TOX3: variants seen among roughly 807,000 people sequenced by gnomAD.
TOX3 encodes the protein TOX high mobility group box family member 3.
In TOX3, 22 loss-of-function variants were observed where a neutral mutation model predicts 64.3. The ratio of observed to expected loss-of-function variants is 0.34; its 90% CI spans 0.24 to 0.49. TOX3 has a LOEUF of 0.49. TOX3 is among the 20% of genes least tolerant of loss of function. TOX3 has a pLI of 0.99. For missense variants in TOX3, 661 were observed against 714.4 expected (o/e 0.93, Z 0.85); for synonymous variants, 291 against 273.6 (o/e 1.06, Z -0.63).
chr16:52,440,900 A>G (rs893213211), intron 6 of TOX3, among the ~76,000 whole-genome samples: 18 of 151,676 alleles, frequency 1.2e-4, no homozygotes, highest in Non-Finnish European at 2.1e-4. Context: ...AGCTGGCACT[A>G]CAGGTGCCCA....
Position 52,547,086 on chromosome 16 carries a change from G to A in TOX3, c.-363C>T. ...GGCTGGGACGGCGGCGGCGGCGGCGGCTGGCCCCGCTCCTCCTCCTCCTCC... is the reference window on the plus strand; with the variant it reads ...GGCTGGGACGGCGGCGGCGGCGGCGACTGGCCCCGCTCCTCCTCCTCCTCC... On this transcript the variant is annotated 5_prime_UTR_variant, in exon 1 of 7. Coordinates refer to ENST00000219746, the MANE Select transcript of TOX3 (RefSeq NM_001080430.4). 3 of 365,512 alleles carry A rather than the reference G, an allele frequency of 8.2e-6. No individual in the cohort carries two copies. The highest frequency in any genetic ancestry group is 1.1e-5 in the Non-Finnish European group (3 of 265,634). 22.6% of individuals were successfully genotyped at this position (365,512 alleles called of 1,614,324 possible).
At position 52,439,687 on chromosome 16, in the gene TOX3, C is replaced by T. The variant is rs890865493; in HGVS notation, c.1269G>A (p.Met423Ile). Residue 423 changes from methionine (M) to isoleucine (I), a missense_variant, in exon 7 of 7, where the codon ATG (methionine) becomes ATA (isoleucine). Met to Ile is a conservative substitution (Grantham distance 10). This residue lies in a region of TOX3 where 299 missense variants were observed against 292.1 expected (regional missense o/e 1.02). Transcript: ENST00000219746. Reference protein sequence around the residue: ...APLISSMGTTMVGSAPSTQVS... With the variant: ...APLISSMGTTIVGSAPSTQVS... ...CTTGGGTGGAGGGTGCTGAGCCAAC[C>T]ATGGTCGTTCCCATGGAGCTTATCA... 8 of 1,613,792 alleles carry T rather than the reference C, an allele frequency of 5.0e-6. No individual in the cohort carries two copies. The highest frequency in any genetic ancestry group is 1.3e-5 in the African/African-American group (1 of 74,942).
intron 1 of TOX3, among the ~76,000 whole-genome samples, chr16:52,485,382 A>T (rs964565462): frequency 9.2e-5 from 14 of 151,698 alleles, no homozygotes; most frequent in African/African-American, 3.2e-4. Context: ...TTAACTCAGA[A>T]ACAGAAAACC....
intron 4 of TOX3, 139 bp from the exon 5 acceptor site, chr16:52,446,360 G>T: frequency 1.2e-6 from 1 of 841,824 alleles, no homozygotes; most frequent in Non-Finnish European, 1.8e-6. Flanking sequence ...AGCGGGGGAG[G>T]GGTAAACTTG....
intron 1 of TOX3, among the ~76,000 whole-genome samples, chr16:52,487,777 C>A (rs1961571163): frequency 6.6e-6 from 1 of 152,140 alleles, no homozygotes; most frequent in Non-Finnish European, 1.5e-5. Flanking sequence ...TCTGACAAAA[C>A]TTGAAACCAT....
chr16:52,473,581 C>T (rs553213299), intron 1 of TOX3, among the ~76,000 whole-genome samples: 11 of 152,238 alleles, frequency 7.2e-5, no homozygotes, highest in South Asian at 4.2e-4. Context: ...TTAACTACCC[C>T]CTGGAAGAGA....
chr16:52,446,184 T>C lies in TOX3; in HGVS notation c.716A>G (p.Lys239Arg). 6.2e-7 allele frequency: 1 copy of C among 1,613,924 alleles called. No homozygotes were observed. Among genetic ancestry groups the C allele is most frequent in the Non-Finnish European group, 8.5e-7 (1 of 1,179,848 alleles). Residue 239 changes from lysine (K) to arginine (R), a missense_variant, in exon 5 of 7, where the codon AAG becomes AGG. Around this residue, in one of 3 missense-constraint regions of TOX3, gnomAD observed 103 missense variants for 161.2 expected, o/e 0.64. Coordinates refer to ENST00000219746, the MANE Select transcript of TOX3 (RefSeq NM_001080430.4). ...CTTTTTCTTTGGAGTCTTGGGCTTC[T>C]TGCCAGAGTCTGGAGCAGCTCTTTT... ...GEKRAAPDSGKKPKTPKKKKK... is the reference protein window; with the variant it reads ...GEKRAAPDSGRKPKTPKKKKK...
At chr16:52,468,081 CCAAACCATGA>C (rs1415579574) in intron 2 of TOX3, among the ~76,000 whole-genome samples, 1 of 152,070 alleles carries the variant, frequency 6.6e-6, no homozygotes, top group Non-Finnish European at 1.5e-5. Context: ...ACATAGTTTC[CCAAACCATGA>C]CAACTTAATG....
rs1300822402 is a variant in TOX3, at chr16:52,461,417, T to C, written c.408+2517A>G. 3.3e-5 allele frequency among the ~76,000 whole-genome samples: 5 copies of C among 152,104 alleles called. 1 individual carries two copies. Among genetic ancestry groups the C allele is most frequent in the Admixed American group, 2.0e-4 (3 of 15,266 alleles). On this transcript the variant is annotated intron_variant, in intron 3 of 6. Transcript: ENST00000219746. ...ATGCTAATCACTGGACTCTTTTTAA[T>C]CCCCCTTTTTTGTTCCTGCCTTCTG...
intron 1 of TOX3, among the ~76,000 whole-genome samples, chr16:52,520,396 T>A (rs936320154): frequency 3.3e-5 from 5 of 152,214 alleles, no homozygotes; most frequent in African/African-American, 1.2e-4. Flanking sequence ...GCCAGCTGTT[T>A]ACAACAAGCA....
intron 1 of TOX3, among the ~76,000 whole-genome samples, chr16:52,517,893 A>T (rs1962499784): frequency 6.6e-6 from 1 of 152,314 alleles, no homozygotes; most frequent in African/African-American, 2.4e-5. Flanking sequence ...GCTTCTAAAA[A>T]CAAAGTATAT....
chr16:52,444,823 T>A (rs1342345471), intron 5 of TOX3: 1 of 152,452 alleles, frequency 6.6e-6, no homozygotes, highest in Admixed American at 6.5e-5. Context: ...AAACAACAGG[T>A]AAAATGATGA....
intron 3 of TOX3, among the ~76,000 whole-genome samples, chr16:52,462,981 C>T (rs549421384): frequency 1.3e-5 from 2 of 152,230 alleles, no homozygotes; most frequent in Admixed American, 6.5e-5. Flanking sequence ...CTTTGCACCA[C>T]TAATCCACTA....
At chr16:52,463,822 A>C (rs936669307) in intron 3 of TOX3, 112 bp downstream of exon 3, 10 of 1,312,204 alleles carry the variant, frequency 7.6e-6, no homozygotes, top group African/African-American at 1.5e-5. Context: ...TAGCACTAGA[A>C]TCAATCCACT....
chr16:52,438,960 G>T lies in TOX3; in HGVS notation c.*265C>A, dbSNP rs778287212. On this transcript the variant is annotated 3_prime_UTR_variant, in exon 7 of 7. Coordinates refer to ENST00000219746, the MANE Select transcript of TOX3 (RefSeq NM_001080430.4). ...AAACAGTTTGATTCACATATTGTAG[G>T]TATAGCCTGAATAAATAAAAAAGGC... 3 of 625,616 alleles carry T rather than the reference G, an allele frequency of 4.8e-6. No homozygotes were observed. Among genetic ancestry groups the T allele is most frequent in the Admixed American group, 1.8e-5 (1 of 54,644 alleles). The allele number at this position is 625,616 out of a possible 1,614,324, so 38.8% of individuals were successfully genotyped here. A position where few individuals can be genotyped will look rare whatever the true frequency, so the allele number is the denominator to read the frequency against.
At chr16:52,498,692 AG>A (rs1259503761) in intron 1 of TOX3, among the ~76,000 whole-genome samples, 12 of 152,330 alleles carry the variant, frequency 7.9e-5, no homozygotes, top group Admixed American at 7.8e-4. Context: ...GGTGCAAACA[AG>A]TCCTCTGGAA....
At chr16:52,500,871 T>C (rs1961982372) in intron 1 of TOX3, among the ~76,000 whole-genome samples, 1 of 152,220 alleles carries the variant, frequency 6.6e-6, no homozygotes, top group South Asian at 2.1e-4. Context: ...ATTATTACCA[T>C]GCCCATTTAT....
Position 52,445,958 on chromosome 16 carries a change from G to T in TOX3, c.906+36C>A, listed in dbSNP as rs369716885. 59 of 1,580,898 alleles carry T rather than the reference G, an allele frequency of 3.7e-5. No individual in the cohort carries two copies. The African/African-American group carries it at 6.5e-4, about 17-fold the overall frequency. ...GAGGAATATTTTAAATGATCATGAG[G>T]TTTATTGATGGAGCCTTGATGGGTC... On this transcript the variant is annotated intron_variant, in intron 5 of 6. Transcript: ENST00000219746.
chr16:52,501,681 CAAA>C (rs1213262658), intron 1 of TOX3, among the ~76,000 whole-genome samples: 1 of 140,768 alleles, frequency 7.1e-6, no homozygotes, highest in African/African-American at 2.7e-5. Flanking sequence ...AACAAACAAA[CAAA>C]AAAAAAAACA....
Sources: gnomAD v4.1 joint callset for allele counts (sites outside exome capture counted in the v4.1 genomes callset) on GRCh38, gnomAD v4.1.1 for gene constraint, gnomAD v4.1.1 regional missense constraint, MANE v1.5 for transcripts, NCBI Gene and HGNC (gene_info 2026-07-23, HGNC 2026-07-21) for gene names.